The following LRMDA variants were observed in gnomAD, a reference collection of about 807,000 sequenced individuals.
The protein encoded by LRMDA is leucine-rich melanocyte differentiation-associated protein.
In LRMDA, 18 loss-of-function variants were observed where a neutral mutation model predicts 29.8. That is an observed-to-expected ratio of 0.60 (90% CI 0.42 to 0.90). The LOEUF is 0.90. LRMDA is among the 40% of genes least tolerant of loss of function. The pLI, the probability that LRMDA is intolerant of heterozygous loss-of-function variation, is 0.00. For synonymous variants in LRMDA, 125 were observed against 109.4 expected, an observed-to-expected ratio of 1.14 and a Z score of -0.89; for missense variants, 273 against 273.9, an observed-to-expected ratio of 1.00 and a Z score of 0.02.
At chr10:75,457,161 G>A (rs1844527239) in intron 2 of LRMDA, among the ~76,000 whole-genome samples, 1 of 152,216 alleles carries the variant, frequency 6.6e-6, no homozygotes, top group Non-Finnish European at 1.5e-5. Context: ...TTTCCCAAGG[G>A]CATGCAGCTG....
chr10:75,431,813 G>C, intron 1 of LRMDA, 59 bp downstream of exon 1: 1 of 1,285,892 alleles, frequency 7.8e-7, no homozygotes, highest in Non-Finnish European at 9.8e-7. Context: ...GAGGGACAGC[G>C]GGGCACAGAG....
intron 2 of LRMDA, among the ~76,000 whole-genome samples, chr10:75,589,015 T>A (rs1227076990): frequency 2.0e-5 from 3 of 152,248 alleles, no homozygotes; most frequent in Admixed American, 2.0e-4. Context: ...TCCCTGTTGA[T>A]GGACATTGTG....
intron 2 of LRMDA, among the ~76,000 whole-genome samples, chr10:75,741,411 C>G (rs561076113): frequency 7.2e-5 from 11 of 152,038 alleles, no homozygotes; most frequent in Non-Finnish European, 1.6e-4. Flanking sequence ...ACGCTTCTGC[C>G]ACCAGCCAGA....
intron 5 of LRMDA, among the ~76,000 whole-genome samples, chr10:76,081,969 T>TTTC (rs1849056871): frequency 6.6e-6 from 1 of 152,166 alleles, no homozygotes; most frequent in Non-Finnish European, 1.5e-5. Flanking sequence ...TAGAACCAAG[T>TTTC]AGCTTGGGTA....
At chr10:75,741,945 G>C (rs958348862) in intron 2 of LRMDA, among the ~76,000 whole-genome samples, 2 of 152,186 alleles carry the variant, frequency 1.3e-5, no homozygotes, top group African/African-American at 2.4e-5. Context: ...AGGAATCCGT[G>C]AGAGCGCTGT....
intron 5 of LRMDA, among the ~76,000 whole-genome samples, chr10:76,136,523 A>C (rs200972654): frequency 6.6e-6 from 1 of 152,186 alleles, no homozygotes; most frequent in African/African-American, 2.4e-5. Context: ...ATTACCTAAT[A>C]TGTGCAAATG....
intron 2 of LRMDA, among the ~76,000 whole-genome samples, chr10:75,485,768 G>C (rs1844905822): frequency 6.6e-6 from 1 of 152,156 alleles, no homozygotes; most frequent in Admixed American, 6.5e-5. Flanking sequence ...AGTGGAGACA[G>C]TGTTTTGCTG....
intron 2 of LRMDA, among the ~76,000 whole-genome samples, chr10:75,623,839 C>A (rs968315761): frequency 1.3e-5 from 2 of 152,200 alleles, no homozygotes; most frequent in African/African-American, 4.8e-5. Flanking sequence ...TAGAAAGCAA[C>A]CGATTTTGAC....
chr10:75,569,031 C>T (rs559071108), intron 2 of LRMDA, among the ~76,000 whole-genome samples: 11 of 152,264 alleles, frequency 7.2e-5, no homozygotes, highest in African/African-American at 2.6e-4. Context: ...TTTGTTGTTA[C>T]TGGTGGGGCT....
intron 2 of LRMDA, among the ~76,000 whole-genome samples, chr10:75,920,017 C>T (rs189781550): frequency 5.9e-5 from 9 of 152,232 alleles, no homozygotes; most frequent in Non-Finnish European, 8.8e-5. Context: ...GACTAAATCC[C>T]TTGAGTTGAG....
In LRMDA at chr10:76,164,920, T is replaced by C. The variant is rs151271396; in HGVS notation, c.516+106137T>C. On this transcript the variant is annotated intron_variant, in intron 5 of 6. Coordinates refer to ENST00000611255, the MANE Select transcript of LRMDA (RefSeq NM_001305581.2). ...AAAGGGCACGTGTATCAGTCCTTTC[T>C]CATGTGAGACTACGTAATTTATAAA... Among the ~76,000 whole-genome samples, 157 of 152,308 alleles carry C rather than the reference T, an allele frequency of 1.0e-3. 3 individuals are homozygous for C. The East Asian group carries it at 0.028, about 27-fold the overall frequency.
rs1029137294 is a variant in LRMDA at position 75,496,657 on chromosome 10, T to A, written c.131+58163T>A. Among the ~76,000 whole-genome samples, 5 of 152,174 alleles carry A rather than the reference T, an allele frequency of 3.3e-5. No homozygotes were observed. In the East Asian group the frequency reaches 9.6e-4, roughly 29 times the overall value. On this transcript the variant is annotated intron_variant, in intron 2 of 6. Coordinates refer to ENST00000611255, the MANE Select transcript of LRMDA (RefSeq NM_001305581.2). Reference sequence around the variant, plus strand: ...TGGGTATACCATGAGAAGGCGCTTTTACAACTAGAAACACAGGTGGTTTCT... The same window carrying A: ...TGGGTATACCATGAGAAGGCGCTTTAACAACTAGAAACACAGGTGGTTTCT...
chr10:75,969,100 G>C (rs1589271136), intron 2 of LRMDA, among the ~76,000 whole-genome samples: 1 of 152,300 alleles, frequency 6.6e-6, no homozygotes, highest in Non-Finnish European at 1.5e-5. Flanking sequence ...GAAAGGACTT[G>C]TACTCTCTGG....
intron 6 of LRMDA, among the ~76,000 whole-genome samples, chr10:76,466,564 C>T (rs1842566437): frequency 6.6e-6 from 1 of 152,012 alleles, no homozygotes; most frequent in Non-Finnish European, 1.5e-5. Flanking sequence ...GAGAGGCTGA[C>T]GTAGGTGGAT....
chr10:75,672,308 T>A (rs536289894), intron 2 of LRMDA, among the ~76,000 whole-genome samples: 3 of 151,996 alleles, frequency 2.0e-5, no homozygotes, highest in South Asian at 4.2e-4. Flanking sequence ...AAGGGAAGCA[T>A]GTTGGCAAAG....
Position 76,153,639 on chromosome 10 carries a change from G to C in LRMDA, c.516+94856G>C, listed in dbSNP as rs1420605819. Among the ~76,000 whole-genome samples the C allele has an allele frequency of 7.2e-5, 11 of 152,268 alleles. No homozygotes were observed. The South Asian group carries it at 2.3e-3, about 32-fold the overall frequency. ...ATGTATGCTGTTAGATTTTTTAAAT[G>C]TAATATTTATCAGATAAAAGTATTC... On this transcript the variant is annotated intron_variant, in intron 5 of 6. Transcript: ENST00000611255.
intron 2 of LRMDA, among the ~76,000 whole-genome samples, chr10:75,576,314 T>G (rs1232278201): frequency 6.6e-6 from 1 of 152,124 alleles, no homozygotes; most frequent in Non-Finnish European, 1.5e-5. Context: ...AGACTGCCTC[T>G]CCAGATTCCC....
chr10:76,233,571 A>G (rs979248643), intron 5 of LRMDA, among the ~76,000 whole-genome samples: 2 of 152,166 alleles, frequency 1.3e-5, no homozygotes, highest in Non-Finnish European at 2.9e-5. Flanking sequence ...TCACATTAGA[A>G]CTTCTTTTAA....
At chr10:75,704,210 C>T (rs541793797) in intron 2 of LRMDA, among the ~76,000 whole-genome samples, 1 of 152,146 alleles carries the variant, frequency 6.6e-6, no homozygotes, top group Non-Finnish European at 1.5e-5. Flanking sequence ...TGTCTCACAT[C>T]ATTTTCTTAG....
Sources: allele counts gnomAD v4.1 joint callset (sites outside exome capture counted in the v4.1 genomes callset), GRCh38; gene constraint gnomAD v4.1.1; transcripts MANE v1.5; gene names NCBI Gene and HGNC (gene_info 2026-07-23, HGNC 2026-07-21).